SSX2IP: variants seen among roughly 807,000 people sequenced by gnomAD.
SSX2IP encodes afadin- and alpha-actinin-binding protein.
A neutral mutation model predicts 84.9 loss-of-function variants in SSX2IP; 55 were observed. The observed-to-expected ratio is 0.65, with a 90% CI of 0.52 to 0.81. SSX2IP has a LOEUF of 0.81. Among genes scored for constraint, SSX2IP ranks in the 30% least tolerant of loss-of-function variants. The pLI is 0.00. For missense variants in SSX2IP, 664 were observed against 705.2 expected (o/e 0.94, Z 0.66); for synonymous variants, 239 against 234.7 (o/e 1.02, Z -0.17).
intron 4 of SSX2IP, 141 bp from the exon 5 acceptor site, chr1:84,666,373 T>C (rs943978580): frequency 4.7e-6 from 3 of 632,294 alleles, no homozygotes; most frequent in African/African-American, 1.9e-5. Flanking sequence ...GAAATGTTTA[T>C]TTAAAGGAAT....
At position 84,650,400 on chromosome 1, in the gene SSX2IP, T is replaced by G; in HGVS notation, c.1632A>C (p.Ser544=). ...TKSLPASPST[S]DFCQTRSCIS... ...TGCAGGAACGTGTCTGGCAAAAGTCTGAAGTGGAAGGTGAAGCAGGAAGAG... is the reference window on the plus strand; with the variant it reads ...TGCAGGAACGTGTCTGGCAAAAGTCGGAAGTGGAAGGTGAAGCAGGAAGAG... The change falls in exon 13 of 14, where the codon TCA becomes TCC. Residue 544 remains serine, a synonymous_variant. Transcript: ENST00000342203. 6.2e-7 allele frequency: 1 copy of G among 1,614,166 alleles called. No homozygotes were observed. The highest frequency in any genetic ancestry group is 8.5e-7 in the Non-Finnish European group (1 of 1,180,042).
intron 9 of SSX2IP, 31 bp from the exon 10 acceptor site, chr1:84,656,515 C>G (rs12116932): frequency 6.3e-7 from 1 of 1,593,256 alleles, no homozygotes; most frequent in South Asian, 1.2e-5. Context: ...TGACATAGGT[C>G]TTATAGCCAC....
At chr1:84,683,405 A>G (rs188461921) in intron 1 of SSX2IP, among the ~76,000 whole-genome samples, 3 of 152,322 alleles carry the variant, frequency 2.0e-5, no homozygotes, top group African/African-American at 7.2e-5. Context: ...AAAATATTAA[A>G]TTCTGGATGT....
chr1:84,654,540 C>T lies in SSX2IP; in HGVS notation c.1389+1292G>A, dbSNP rs747517215. ...AGTAATTACTCAATTACTAATATAGCGAATTGAACAGAAACCCAAGAAAGA... is the reference window on the plus strand; with the variant it reads ...AGTAATTACTCAATTACTAATATAGTGAATTGAACAGAAACCCAAGAAAGA... On this transcript the variant is annotated intron_variant, in intron 11 of 13. Coordinates refer to ENST00000342203, the MANE Select transcript of SSX2IP (RefSeq NM_001166293.2). 9.9e-5 allele frequency among the ~76,000 whole-genome samples: 15 copies of T among 151,634 alleles called. 1 individual carries two copies. The highest frequency in any genetic ancestry group is 3.6e-4 in the African/African-American group (15 of 41,362).
Position 84,688,216 on chromosome 1 carries a change from G to C in SSX2IP, c.-90+2155C>G, listed in dbSNP as rs561083530. On this transcript the variant is annotated intron_variant, in intron 1 of 13. Transcript: ENST00000342203. Reference sequence around the variant, plus strand: ...TGTTTTTCATTACTACTAATGAATGGTGCATTTCTCTATTCTATCTCATCC... The same window carrying C: ...TGTTTTTCATTACTACTAATGAATGCTGCATTTCTCTATTCTATCTCATCC... Among the ~76,000 whole-genome samples, 12 of 152,214 alleles carry C rather than the reference G, an allele frequency of 7.9e-5. No individual in the cohort carries two copies. The South Asian group carries it at 2.5e-3, about 32-fold the overall frequency.
intron 1 of SSX2IP, among the ~76,000 whole-genome samples, chr1:84,679,683 T>A (rs779794998): frequency 1.3e-5 from 2 of 152,196 alleles, no homozygotes; most frequent in Non-Finnish European, 2.9e-5. Flanking sequence ...GTTGTGGATA[T>A]TTAACAGAGT....
chr1:84,667,382 TCTTA>T (rs1652920165), intron 4 of SSX2IP, among the ~76,000 whole-genome samples: 3 of 152,212 alleles, frequency 2.0e-5, no homozygotes, highest in South Asian at 4.1e-4. Flanking sequence ...CAGATCTCAA[TCTTA>T]CTTACTATTC....
intron 1 of SSX2IP, among the ~76,000 whole-genome samples, chr1:84,686,380 C>T (rs1655789435): frequency 1.3e-5 from 2 of 152,168 alleles, no homozygotes; most frequent in Non-Finnish European, 2.9e-5. Context: ...GAGGCATCTA[C>T]TCTCTCACAT....
At chr1:84,686,723 G>T (rs186011429) in intron 1 of SSX2IP, among the ~76,000 whole-genome samples, 10 of 152,264 alleles carry the variant, frequency 6.6e-5, no homozygotes, top group Non-Finnish European at 1.5e-4. Flanking sequence ...GGAAAGCCAA[G>T]GGAGAAGACT....
intron 4 of SSX2IP, among the ~76,000 whole-genome samples, chr1:84,666,821 C>T (rs12064969): frequency 0.11 from 15,982 of 152,158 alleles, 994 homozygotes; most frequent in African/African-American, 0.17. Context: ...AAACAAGATG[C>T]TCCTTTTCAA....
chr1:84,658,605 G>T, intron 8 of SSX2IP, 137 bp from the exon 9 acceptor site: 1 of 971,372 alleles, frequency 1.0e-6, no homozygotes, highest in Non-Finnish European at 1.4e-6. Flanking sequence ...TGCATATATG[G>T]CCCAGTATTT....
chr1:84,650,247 A>T, intron 13 of SSX2IP, 115 bp downstream of exon 13: 1 of 1,027,920 alleles, frequency 9.7e-7, no homozygotes, highest in East Asian at 2.4e-5. Context: ...CATCTACTAA[A>T]TTCCTCTCCA....
At chr1:84,672,132 G>A (rs929087579) in intron 1 of SSX2IP, among the ~76,000 whole-genome samples, 8 of 152,102 alleles carry the variant, frequency 5.3e-5, no homozygotes, top group Non-Finnish European at 8.8e-5. Flanking sequence ...TAGAGACAAT[G>A]GAAGAGATAA....
intron 1 of SSX2IP, among the ~76,000 whole-genome samples, chr1:84,671,590 G>A (rs775888624): frequency 1.3e-5 from 2 of 152,152 alleles, no homozygotes; most frequent in Non-Finnish European, 2.9e-5. Flanking sequence ...CTAAGGTATA[G>A]CATTGTACTA....
chr1:84,668,879 T>C (rs1181348066), intron 4 of SSX2IP, among the ~76,000 whole-genome samples: 2 of 152,120 alleles, frequency 1.3e-5, no homozygotes, highest in Admixed American at 1.3e-4. Flanking sequence ...TCTGACAGTA[T>C]GCAAATGCAA....
intron 1 of SSX2IP, among the ~76,000 whole-genome samples, chr1:84,686,781 A>G (rs1355807165): frequency 2.0e-5 from 3 of 152,204 alleles, no homozygotes; most frequent in Non-Finnish European, 4.4e-5. Flanking sequence ...TAGAATGGGC[A>G]GGTTTTGAAT....
chr1:84,675,662 C>T (rs1654219124), intron 1 of SSX2IP, among the ~76,000 whole-genome samples: 1 of 152,186 alleles, frequency 6.6e-6, no homozygotes. Context: ...AAAGTTATCC[C>T]TCTGCTTACC....
chr1:84,673,196 A>G (rs868488579), intron 1 of SSX2IP, among the ~76,000 whole-genome samples: 13 of 152,314 alleles, frequency 8.5e-5, no homozygotes, highest in Non-Finnish European at 1.2e-4. Context: ...AGTGATAACT[A>G]AAAAGAAAAT....
upstream of SSX2IP, chr1:84,690,697 G>A (rs1450863799): frequency 6.6e-6 from 1 of 152,106 alleles, no homozygotes; most frequent in Non-Finnish European, 1.5e-5. Flanking sequence ...CGGAGAAAAA[G>A]AAGACCTTAT....
Sources: allele counts gnomAD v4.1 joint callset (sites outside exome capture counted in the v4.1 genomes callset), GRCh38; gene constraint gnomAD v4.1.1; transcripts MANE v1.5; gene names NCBI Gene and HGNC (gene_info 2026-07-23, HGNC 2026-07-21).